The following AGBL1 variants were observed in gnomAD, a reference collection of about 807,000 sequenced individuals.
AGBL1 encodes the protein AGBL carboxypeptidase 1, also known as cytosolic carboxypeptidase 4.
AGBL1 carries 130 observed loss-of-function variants against 118.9 expected under a neutral mutation model. That is an observed-to-expected ratio of 1.09 (90% CI 0.95 to 1.26). The LOEUF is 1.26. AGBL1 is among the 50% of genes most tolerant of loss of function. The pLI is 0.00. For synonymous variants in AGBL1, 555 were observed against 478.9 expected (o/e 1.16, Z -2.08); for missense variants, 1,584 against 1,298.1 (o/e 1.22, Z -3.38).
chr15:86,374,728 A>T (rs2081015505), intron 17 of AGBL1, among the ~76,000 whole-genome samples: 1 of 152,226 alleles, frequency 6.6e-6, no homozygotes, highest in African/African-American at 2.4e-5. Context: ...CTCTCATGAA[A>T]CTATTTCTTT....
At chr15:86,931,528 A>G (rs1596646418) in intron 23 of AGBL1, among the ~76,000 whole-genome samples, 1 of 151,972 alleles carries the variant, frequency 6.6e-6, no homozygotes, top group East Asian at 1.9e-4. Flanking sequence ...ACATTATTTC[A>G]CTGAAAAATT....
At chr15:86,671,384 TA>T (rs1166047045) in intron 21 of AGBL1, among the ~76,000 whole-genome samples, 4 of 152,144 alleles carry the variant, frequency 2.6e-5, no homozygotes, top group Non-Finnish European at 5.9e-5. Context: ...TTGTGCAAAA[TA>T]AAACCTCGTT....
rs560216170 is a variant in AGBL1, at chr15:86,329,643, TGGGG to T, written c.2374+34236_2374+34239del. On this transcript the variant is annotated intron_variant, in intron 17 of 22. Transcript: ENST00000614907. ...TTCCTGGACATAGATCATGGTGCAGTGGGGTCCTCTGCATTCCAAGCCAAGACAG... is the reference window on the plus strand; with the variant it reads ...TTCCTGGACATAGATCATGGTGCAGTTCCTCTGCATTCCAAGCCAAGACAG... 4.0e-3 allele frequency among the ~76,000 whole-genome samples: 612 copies of T among 151,536 alleles called. 3 individuals carry two copies. Among genetic ancestry groups the T allele is most frequent in the African/African-American group, 0.014 (578 of 41,234 alleles).
intron 16 of AGBL1, among the ~76,000 whole-genome samples, chr15:86,284,139 C>G (rs1190898347): frequency 6.7e-6 from 1 of 150,348 alleles, no homozygotes; most frequent in Admixed American, 6.7e-5. Flanking sequence ...ATTATTTTCT[C>G]TGTTGGACTG....
intron 4 of AGBL1, among the ~76,000 whole-genome samples, chr15:86,158,680 G>A (rs1046952401): frequency 6.6e-6 from 1 of 152,190 alleles, no homozygotes; most frequent in Admixed American, 6.5e-5. Flanking sequence ...AAACTTCCCA[G>A]TCTAGTTACT....
chr15:86,155,679 A>G (rs988676021), intron 4 of AGBL1, among the ~76,000 whole-genome samples: 3 of 152,044 alleles, frequency 2.0e-5, no homozygotes, highest in African/African-American at 7.2e-5. Flanking sequence ...GAGGTTATAT[A>G]GTTGATAGGG....
chr15:86,899,499 G>A (rs2080182051), intron 22 of AGBL1, among the ~76,000 whole-genome samples: 1 of 152,122 alleles, frequency 6.6e-6, no homozygotes, highest in Non-Finnish European at 1.5e-5. Context: ...GTTTACCTAT[G>A]TAACAAGCCT....
intron 17 of AGBL1, among the ~76,000 whole-genome samples, chr15:86,303,235 G>A (rs1003220421): frequency 6.6e-6 from 1 of 152,146 alleles, no homozygotes; most frequent in Non-Finnish European, 1.5e-5. Context: ...TTTGAAGATT[G>A]TAAAGGGCTT....
chr15:86,770,872 G>A (rs557846682), intron 22 of AGBL1, among the ~76,000 whole-genome samples: 1 of 152,170 alleles, frequency 6.6e-6, no homozygotes, highest in East Asian at 1.9e-4. Context: ...GCTAAGGGCA[G>A]GGAGGCCAGT....
At chr15:87,020,250 T>C (rs2347466) in intron 24 of AGBL1, among the ~76,000 whole-genome samples, 58,290 of 151,636 alleles carry the variant, frequency 0.38, 11,680 homozygotes, top group East Asian at 0.51. Flanking sequence ...AAGACAAAAA[T>C]CACATGATTG....
intron 5 of AGBL1, among the ~76,000 whole-genome samples, chr15:86,183,937 A>G (rs1445672213): frequency 6.6e-6 from 1 of 152,244 alleles, no homozygotes; most frequent in Admixed American, 6.5e-5. Flanking sequence ...AGTCAGATCC[A>G]GATGGCAGCC....
intron 22 of AGBL1, among the ~76,000 whole-genome samples, chr15:86,862,268 C>G (rs747248395): frequency 2.4e-4 from 37 of 152,122 alleles, no homozygotes; most frequent in Admixed American, 3.3e-4. Flanking sequence ...TAAATTATAA[C>G]TTACTTAAAA....
intron 19 of AGBL1, among the ~76,000 whole-genome samples, chr15:86,529,850 G>T (rs1596231180): frequency 6.8e-6 from 1 of 146,380 alleles, no homozygotes; most frequent in African/African-American, 2.6e-5. Flanking sequence ...TTCATATCCA[G>T]CCAAACTAAG....
At chr15:86,706,238 T>G (rs2086447392) in intron 22 of AGBL1, among the ~76,000 whole-genome samples, 1 of 152,122 alleles carries the variant, frequency 6.6e-6, no homozygotes, top group South Asian at 2.1e-4. Flanking sequence ...TTAATTCATT[T>G]TTTATTGTCA....
rs67883935 is a variant in AGBL1 at position 86,410,841 on chromosome 15, T to TATATATATATAA, written c.2555+13296_2555+13297insTATATATATAAA. ...ATATATATATATATATATATATATA[T>TATATATATATAA]AATATACTATTTTATATATAAAATA... On this transcript the variant is annotated intron_variant, in intron 18 of 22. Coordinates refer to ENST00000614907, the MANE Select transcript of AGBL1 (RefSeq NM_001386094.1). Among the ~76,000 whole-genome samples, 161 of 64,474 alleles carry TATATATATATAA rather than the reference T, an allele frequency of 2.5e-3. 4 individuals carry two copies. The highest frequency in any genetic ancestry group is 0.011 in the African/African-American group (159 of 14,974). 42.3% of individuals were successfully genotyped at this position (64,474 alleles called of 152,430 possible). A position where few individuals can be genotyped will look rare whatever the true frequency, so the allele number is the denominator to read the frequency against.
chr15:87,001,681 G>A (rs2081439193), intron 24 of AGBL1, among the ~76,000 whole-genome samples: 1 of 151,974 alleles, frequency 6.6e-6, no homozygotes, highest in South Asian at 2.1e-4. Flanking sequence ...TCTAACTGGT[G>A]GGAGATGATA....
intron 17 of AGBL1, chr15:86,296,845 A>T (rs987714904): frequency 6.6e-6 from 1 of 152,180 alleles, no homozygotes; most frequent in African/African-American, 2.4e-5. Flanking sequence ...TCATTGAACA[A>T]TTATTTATTT....
intron 5 of AGBL1, among the ~76,000 whole-genome samples, chr15:86,166,314 G>A (rs985651356): frequency 4.6e-5 from 7 of 152,218 alleles, no homozygotes; most frequent in African/African-American, 1.4e-4. Context: ...CAAGAATGAT[G>A]TAGTGTATGA....
intron 6 of AGBL1, among the ~76,000 whole-genome samples, chr15:86,227,778 G>C (rs1364830561): frequency 6.6e-6 from 1 of 152,204 alleles, no homozygotes; most frequent in Non-Finnish European, 1.5e-5. Context: ...GTTCATAAGA[G>C]GTAAGAACAC....
Sources: allele counts gnomAD v4.1 joint callset (sites outside exome capture counted in the v4.1 genomes callset), GRCh38; gene constraint gnomAD v4.1.1; transcripts MANE v1.5; gene names NCBI Gene and HGNC (gene_info 2026-07-23, HGNC 2026-07-21).